The following FHIT variants were observed in gnomAD, a reference collection of about 807,000 sequenced individuals.
FHIT encodes the protein bis(5'-adenosyl)-triphosphatase.
In FHIT, 19 loss-of-function variants were observed where a neutral mutation model predicts 17.9. That is an observed-to-expected ratio of 1.06 (90% CI 0.74 to 1.56). The LOEUF is 1.56. Ranked by LOEUF, FHIT falls within the 40% of genes most tolerant of loss-of-function variation. The pLI, the probability that FHIT is intolerant of heterozygous loss-of-function variation, is 0.00. For synonymous variants in FHIT, 81 were observed against 69.7 expected (o/e 1.16, Z -0.81); for missense variants, 248 against 189.2 (o/e 1.31, Z -1.82).
chr3:60,137,898 C>G lies in FHIT; in HGVS notation c.104-123746G>C, dbSNP rs528564964. ...AAATGAATATCCGTTGAAATAAAAG[C>G]AATGGTTACATGCTTCTCATATCCT... is the stretch of plus-strand genomic sequence containing the variant. On this transcript the variant is annotated intron_variant, in intron 5 of 9. Transcript: ENST00000492590. Among the ~76,000 whole-genome samples, 11 of 152,202 alleles carry G rather than the reference C, an allele frequency of 7.2e-5. No individual in the cohort carries two copies. In the South Asian group the frequency reaches 1.0e-3, roughly 14 times the overall value.
At chr3:60,123,850 C>A (rs964357567) in intron 5 of FHIT, among the ~76,000 whole-genome samples, 3 of 149,338 alleles carry the variant, frequency 2.0e-5, no homozygotes, top group African/African-American at 7.4e-5. Flanking sequence ...TGAGAATACA[C>A]TGGATTCTCA....
intron 5 of FHIT, among the ~76,000 whole-genome samples, chr3:60,263,006 C>G (rs1706382170): frequency 6.6e-6 from 1 of 151,700 alleles, no homozygotes; most frequent in Non-Finnish European, 1.5e-5. Context: ...TAAAAAATAA[C>G]TAATATCTCA....
At position 59,821,521 on chromosome 3, in the gene FHIT, C is replaced by T. The variant is rs968967547; in HGVS notation, c.349-69200G>A. On this transcript the variant is annotated intron_variant, in intron 8 of 9. Coordinates refer to ENST00000492590, the MANE Select transcript of FHIT (RefSeq NM_002012.4). ...AATGCAATATGATTCTCTCACAGAG[C>T]AGATGGGATGCTAACTGGAATCACC... 6.6e-5 allele frequency among the ~76,000 whole-genome samples: 10 copies of T among 152,182 alleles called. 1 individual carries two copies. The highest frequency in any genetic ancestry group is 4.6e-4 in the Admixed American group (7 of 15,284).
chr3:59,799,691 G>A (rs1015817098), intron 8 of FHIT, among the ~76,000 whole-genome samples: 5 of 152,186 alleles, frequency 3.3e-5, no homozygotes, highest in Non-Finnish European at 7.3e-5. Flanking sequence ...ATTTCATTTA[G>A]TTGGTGATAT....
intron 2 of FHIT, among the ~76,000 whole-genome samples, chr3:61,123,792 C>T (rs1274580425): frequency 6.6e-6 from 1 of 152,042 alleles, no homozygotes; most frequent in Non-Finnish European, 1.5e-5. Flanking sequence ...GGTGTAAATA[C>T]ATACTCTCAC....
At chr3:60,084,538 C>T (rs1703420026) in intron 5 of FHIT, among the ~76,000 whole-genome samples, 1 of 152,044 alleles carries the variant, frequency 6.6e-6, no homozygotes, top group Non-Finnish European at 1.5e-5. Flanking sequence ...AAATAATGTA[C>T]ATGAAGGAGA....
At chr3:60,871,603 G>C (rs551358828) in intron 3 of FHIT, among the ~76,000 whole-genome samples, 1 of 152,058 alleles carries the variant, frequency 6.6e-6, no homozygotes, top group Admixed American at 6.6e-5. Flanking sequence ...CATATTTAAC[G>C]TGTAAGTCAG....
chr3:60,191,473 C>T (rs964036223), intron 5 of FHIT, among the ~76,000 whole-genome samples: 5 of 152,100 alleles, frequency 3.3e-5, no homozygotes, highest in Admixed American at 6.5e-5. Context: ...ACATACCATA[C>T]GAACATAATG....
intron 5 of FHIT, among the ~76,000 whole-genome samples, chr3:60,293,346 G>C (rs747886083): frequency 2.6e-5 from 4 of 151,996 alleles, no homozygotes; most frequent in Middle Eastern, 3.2e-3. Context: ...AAAGACCACA[G>C]AATTTATACG....
chr3:59,905,901 C>CA (rs77316440), intron 8 of FHIT, among the ~76,000 whole-genome samples: 19 of 151,814 alleles, frequency 1.3e-4, no homozygotes, highest in Admixed American at 2.6e-4. Context: ...AGTCAATTTA[C>CA]AAAAAAAACC....
intron 5 of FHIT, among the ~76,000 whole-genome samples, chr3:60,526,833 T>C (rs1324268091): frequency 2.6e-5 from 4 of 152,196 alleles, no homozygotes; most frequent in South Asian, 2.1e-4. Flanking sequence ...AAGATGCCAG[T>C]GTCATTTTGT....
chr3:61,087,403 G>A (rs760018000), intron 2 of FHIT, among the ~76,000 whole-genome samples: 30 of 151,958 alleles, frequency 2.0e-4, no homozygotes, highest in African/African-American at 9.7e-5. Flanking sequence ...CTAAATCACC[G>A]CTACATCACT....
At chr3:60,482,927 C>G (rs534657192) in intron 5 of FHIT, among the ~76,000 whole-genome samples, 1 of 151,230 alleles carries the variant, frequency 6.6e-6, no homozygotes, top group South Asian at 2.1e-4. Flanking sequence ...AAATAGACAG[C>G]AAGCTAGATT....
intron 5 of FHIT, among the ~76,000 whole-genome samples, chr3:60,296,482 C>A (rs573965632): frequency 2.0e-5 from 3 of 151,986 alleles, no homozygotes; most frequent in African/African-American, 7.2e-5. Flanking sequence ...ATGTCTTTTG[C>A]CCATTTTCCA....
In FHIT at chr3:60,624,670, T is replaced by C. The variant is rs574195398; in HGVS notation, c.-17-87691A>G. On this transcript the variant is annotated intron_variant, in intron 4 of 9. Coordinates refer to ENST00000492590, the MANE Select transcript of FHIT (RefSeq NM_002012.4). ...TACTGAAATTACTTAGCAATGTTAA[T>C]AATGTTAAATGTGTCTGTGGTAGGC... Among the ~76,000 whole-genome samples, 5 of 152,318 alleles carry C rather than the reference T, an allele frequency of 3.3e-5. 1 individual carries two copies. In the South Asian group the frequency reaches 1.0e-3, roughly 32 times the overall value.
chr3:61,047,376 T>A (rs2033842989), intron 2 of FHIT, among the ~76,000 whole-genome samples: 1 of 152,166 alleles, frequency 6.6e-6, no homozygotes, highest in South Asian at 2.1e-4. Context: ...GAACTCCCAT[T>A]CTCAATTGCT....
chr3:60,258,065 TACACACACACAC>T (rs67553597), intron 5 of FHIT, among the ~76,000 whole-genome samples: 9 of 144,596 alleles, frequency 6.2e-5, no homozygotes, highest in South Asian at 2.3e-4. Context: ...GGAAATTAAA[TACACACACACAC>T]ACACACACAC....
intron 8 of FHIT, among the ~76,000 whole-genome samples, chr3:59,767,423 C>A (rs187177846): frequency 1.3e-5 from 2 of 151,982 alleles, no homozygotes; most frequent in Non-Finnish European, 2.9e-5. Flanking sequence ...TGCTTGAACC[C>A]GGGAGGTGAA....
chr3:60,182,688 T>A (rs967065071), intron 5 of FHIT, among the ~76,000 whole-genome samples: 1 of 151,526 alleles, frequency 6.6e-6, no homozygotes, highest in Admixed American at 6.6e-5. Context: ...GAGGCTGAGG[T>A]AGGAGGATCA....
Sources: gnomAD v4.1 joint callset for allele counts (sites outside exome capture counted in the v4.1 genomes callset) on GRCh38, gnomAD v4.1.1 for gene constraint, MANE v1.5 for transcripts, NCBI Gene and HGNC (gene_info 2026-07-23, HGNC 2026-07-21) for gene names.